Variants in AP2B1 observed in about 807,000 individuals in gnomAD.
The protein encoded by AP2B1 is AP-2 complex subunit beta.
In AP2B1, 23 loss-of-function variants were observed where a neutral mutation model predicts 102.0. The ratio of observed to expected loss-of-function variants is 0.23; its 90% CI spans 0.16 to 0.32. The LOEUF (loss-of-function observed/expected upper bound fraction) is 0.32, where lower values mean the gene tolerates loss of function less well. Ranked by LOEUF, AP2B1 falls within the 10% of genes least tolerant of loss-of-function variation. The probability of loss-of-function intolerance (pLI) is 1.00; values close to 1 mark genes in which losing one functional copy is unlikely to be tolerated. For missense variants in AP2B1, 541 were observed against 1,157.4 expected, an observed-to-expected ratio of 0.47 and a Z score of 7.73; for synonymous variants, 381 against 421.2, an observed-to-expected ratio of 0.90 and a Z score of 1.17.
At chr17:35,622,944 C>T (rs1207373699) in intron 5 of AP2B1, among the ~76,000 whole-genome samples, 1 of 152,122 alleles carries the variant, frequency 6.6e-6, no homozygotes, top group African/African-American at 2.4e-5. Context: ...GGTTTACAGG[C>T]GTGAGCCACC....
intron 3 of AP2B1, chr17:35,601,022 G>C (rs2073461792): frequency 1.0e-6 from 1 of 984,976 alleles, no homozygotes; most frequent in Non-Finnish European, 1.2e-6. Flanking sequence ...TTGCTGTCCT[G>C]TGACCATCTA....
chr17:35,626,106 C>T (rs1160348627), intron 6 of AP2B1, among the ~76,000 whole-genome samples: 1 of 152,098 alleles, frequency 6.6e-6, no homozygotes, highest in African/African-American at 2.4e-5. Flanking sequence ...CCCTTATTCT[C>T]ATTATCCTTA....
intron 17 of AP2B1, among the ~76,000 whole-genome samples, chr17:35,680,432 C>T (rs1188846357): frequency 6.6e-6 from 1 of 152,100 alleles, no homozygotes; most frequent in Admixed American, 6.5e-5. Context: ...AGGCTCACTG[C>T]AGCCTCAACC....
At chr17:35,606,190 T>G (rs1322086937) in intron 4 of AP2B1, among the ~76,000 whole-genome samples, 1 of 152,212 alleles carries the variant, frequency 6.6e-6, no homozygotes, top group Non-Finnish European at 1.5e-5. Flanking sequence ...TAGTGGAGAC[T>G]GCCGGAGTTT....
At chr17:35,668,823 G>C (rs1379228126) in intron 14 of AP2B1, among the ~76,000 whole-genome samples, 1 of 152,090 alleles carries the variant, frequency 6.6e-6, no homozygotes, top group Admixed American at 6.6e-5. Flanking sequence ...TTCAGCCAGA[G>C]GGAGGTTCTT....
intron 17 of AP2B1, among the ~76,000 whole-genome samples, chr17:35,680,543 A>G (rs76665549): frequency 0.012 from 1,875 of 151,646 alleles, 13 homozygotes; most frequent in Non-Finnish European, 0.019. Flanking sequence ...CAATATTTGT[A>G]ATTTTTTTCC....
intron 17 of AP2B1, among the ~76,000 whole-genome samples, chr17:35,681,768 G>A (rs1408254361): frequency 6.6e-6 from 1 of 152,162 alleles, no homozygotes; most frequent in South Asian, 2.1e-4. Flanking sequence ...TATTAAAAAT[G>A]ATATTCATCA....
chr17:35,616,187 C>T lies in AP2B1; in HGVS notation c.525+7800C>T, dbSNP rs560718840. ...TTTTTTTTTTTTTTTTTTTTGGAGA[C>T]GGAGTCTCGCTCAGTCGCCCAGGCT... On this transcript the variant is annotated intron_variant, in intron 5 of 21. Transcript: ENST00000610402. Among the ~76,000 whole-genome samples the T allele has an allele frequency of 5.4e-3, 510 of 95,080 alleles. 6 individuals carry two copies. Among genetic ancestry groups the T allele is most frequent in the African/African-American group, 0.019 (479 of 25,396 alleles). 62.4% of individuals were successfully genotyped at this position (95,080 alleles called of 152,430 possible).
chr17:35,615,672 A>G (rs1442696732), intron 5 of AP2B1, among the ~76,000 whole-genome samples: 2 of 152,234 alleles, frequency 1.3e-5, no homozygotes, highest in Non-Finnish European at 2.9e-5. Context: ...GTAAGTAACA[A>G]TTACAAAATT....
At chr17:35,709,862 G>T (rs781799795) in intron 19 of AP2B1, among the ~76,000 whole-genome samples, 3 of 152,082 alleles carry the variant, frequency 2.0e-5, no homozygotes, top group Non-Finnish European at 4.4e-5. Context: ...TTATATTGGT[G>T]CATATTAAAC....
intron 5 of AP2B1, among the ~76,000 whole-genome samples, chr17:35,620,390 C>T (rs75319758): frequency 0.013 from 1,911 of 152,176 alleles, 15 homozygotes; most frequent in South Asian, 0.025. Flanking sequence ...TTACAGTGAA[C>T]TATATGATTA....
At position 35,661,204 on chromosome 17, in the gene AP2B1, T is replaced by TA. The variant is rs920282935; in HGVS notation, c.1989+3422dup. On this transcript the variant is annotated intron_variant, in intron 14 of 21. Transcript: ENST00000610402. ...AATTGGTCCCACATAATTACCAGTT[T>TA]AAAAAAAAATACTCTCTAGCCATTG... Among the ~76,000 whole-genome samples, 13 of 151,218 alleles carry TA rather than the reference T, an allele frequency of 8.6e-5. No homozygotes were observed. The East Asian group carries it at 9.7e-4, about 11-fold the overall frequency.
chr17:35,604,140 CTCTG>C (rs1348634191), intron 3 of AP2B1, among the ~76,000 whole-genome samples: 1 of 152,084 alleles, frequency 6.6e-6, no homozygotes, highest in South Asian at 2.1e-4. Context: ...TGGGGTCTCT[CTCTG>C]TTCCTCAGGC....
At chr17:35,646,603 T>A (rs910311461) in intron 12 of AP2B1, among the ~76,000 whole-genome samples, 1 of 149,328 alleles carries the variant, frequency 6.7e-6, no homozygotes, top group Admixed American at 6.7e-5. Context: ...TTTTTTTTTT[T>A]GAGATGGAGT....
chr17:35,697,025 A>G (rs1376108891), intron 18 of AP2B1, among the ~76,000 whole-genome samples: 3 of 152,222 alleles, frequency 2.0e-5, no homozygotes, highest in Non-Finnish European at 2.9e-5. Flanking sequence ...AAACTAAGCA[A>G]GGCTATCTCT....
intron 3 of AP2B1, 59 bp downstream of exon 3, chr17:35,598,394 C>A: frequency 1.0e-6 from 1 of 994,474 alleles, no homozygotes; most frequent in South Asian, 1.9e-5. Context: ...ATCTTATGGC[C>A]TTTACTGCTT....
chr17:35,656,043 T>G (rs187736299), intron 13 of AP2B1, among the ~76,000 whole-genome samples: 175 of 152,336 alleles, frequency 1.1e-3, no homozygotes, highest in African/African-American at 3.9e-3. Flanking sequence ...TTCTCTCAGT[T>G]TGTAGAGAAT....
chr17:35,645,326 C>G (rs1193419095), intron 12 of AP2B1, among the ~76,000 whole-genome samples: 1 of 152,146 alleles, frequency 6.6e-6, no homozygotes, highest in African/African-American at 2.4e-5. Context: ...TGCTTTTCTT[C>G]TGTCTCTATA....
chr17:35,644,563 C>A (rs926217779), intron 12 of AP2B1, among the ~76,000 whole-genome samples: 1 of 138,182 alleles, frequency 7.2e-6, no homozygotes, highest in Non-Finnish European at 1.5e-5. Flanking sequence ...TTTTTTTTTT[C>A]CAGTAGAGAT....
Sources: gnomAD v4.1 joint callset for allele counts (sites outside exome capture counted in the v4.1 genomes callset) on GRCh38, gnomAD v4.1.1 for gene constraint, MANE v1.5 for transcripts, NCBI Gene and HGNC (gene_info 2026-07-23, HGNC 2026-07-21) for gene names.